Variants in ST6GALNAC3 observed in about 807,000 individuals in gnomAD.
The protein encoded by ST6GALNAC3 is ST6 N-acetylgalactosaminide alpha-2,6-sialyltransferase 3, also known as alpha-N-acetylgalactosaminide alpha-2,6-sialyltransferase 3.
A neutral mutation model predicts 32.7 loss-of-function variants in ST6GALNAC3; 25 were observed. The ratio of observed to expected loss-of-function variants is 0.76; its 90% CI spans 0.56 to 1.07. The LOEUF (loss-of-function observed/expected upper bound fraction) is 1.07, where lower values mean the gene tolerates loss of function less well. Among genes scored for constraint, ST6GALNAC3 ranks in the 50% least tolerant of loss-of-function variants. The pLI, the probability that ST6GALNAC3 is intolerant of heterozygous loss-of-function variation, is 0.00. For synonymous variants in ST6GALNAC3, 129 were observed against 133.1 expected, an observed-to-expected ratio of 0.97 and a Z score of 0.21; for missense variants, 355 against 382.4, an observed-to-expected ratio of 0.93 and a Z score of 0.60.
At chr1:76,287,963 A>C (rs1659876409) in intron 1 of ST6GALNAC3, among the ~76,000 whole-genome samples, 1 of 152,188 alleles carries the variant, frequency 6.6e-6, no homozygotes, top group Non-Finnish European at 1.5e-5. Flanking sequence ...TGAGCAGCAG[A>C]AGGGGTTTAG....
chr1:76,339,898 A>T (rs1000689540), intron 2 of ST6GALNAC3, among the ~76,000 whole-genome samples: 1 of 152,242 alleles, frequency 6.6e-6, no homozygotes, highest in Non-Finnish European at 1.5e-5. Flanking sequence ...AGGTTCTGTG[A>T]TAAGGTGACA....
At chr1:76,199,022 C>T (rs78630029) in intron 1 of ST6GALNAC3, among the ~76,000 whole-genome samples, 12,749 of 152,114 alleles carry the variant, frequency 0.084, 579 homozygotes, top group African/African-American at 0.12. Flanking sequence ...TAGGATGTGG[C>T]AGTGTCAGAC....
chr1:76,635,576 C>A (rs1649484696), downstream of ST6GALNAC3, among the ~76,000 whole-genome samples: 1 of 152,142 alleles, frequency 6.6e-6, no homozygotes, highest in African/African-American at 2.4e-5. Context: ...AGAGTCCATA[C>A]CTATCTGGGG....
chr1:76,157,413 T>C (rs1229067494), intron 1 of ST6GALNAC3, among the ~76,000 whole-genome samples: 1 of 152,220 alleles, frequency 6.6e-6, no homozygotes, highest in Non-Finnish European at 1.5e-5. Flanking sequence ...AGTATACATA[T>C]GTAGCAGTAT....
chr1:76,107,700 C>T (rs1647633676), intron 1 of ST6GALNAC3, among the ~76,000 whole-genome samples: 1 of 152,132 alleles, frequency 6.6e-6, no homozygotes. Flanking sequence ...TGTTCAAATA[C>T]AGCCCTGCGG....
At chr1:76,605,931 C>CT (rs1158278221) in intron 3 of ST6GALNAC3, among the ~76,000 whole-genome samples, 1 of 130,098 alleles carries the variant, frequency 7.7e-6, no homozygotes, top group Non-Finnish European at 1.6e-5. Context: ...CAAAAGAAGA[C>CT]TTTTATGTGG....
At chr1:76,174,719 T>A (rs1336443667) in intron 1 of ST6GALNAC3, among the ~76,000 whole-genome samples, 1 of 150,624 alleles carries the variant, frequency 6.6e-6, no homozygotes, top group Non-Finnish European at 1.5e-5. Flanking sequence ...CAGGCTGGAG[T>A]GCAGTGGTGC....
intron 3 of ST6GALNAC3, among the ~76,000 whole-genome samples, chr1:76,478,851 C>T (rs1433917319): frequency 6.7e-6 from 1 of 148,416 alleles, no homozygotes; most frequent in Non-Finnish European, 1.5e-5. Flanking sequence ...TAAGCTCTGC[C>T]TCCTGGGTTC....
intron 3 of ST6GALNAC3, among the ~76,000 whole-genome samples, chr1:76,454,346 G>A (rs1227746671): frequency 6.6e-6 from 1 of 151,870 alleles, no homozygotes; most frequent in Non-Finnish European, 1.5e-5. Context: ...AAAATTTGGT[G>A]TTTTTTAAAT....
At chr1:76,210,940 T>C (rs980871561) in intron 1 of ST6GALNAC3, among the ~76,000 whole-genome samples, 1 of 152,062 alleles carries the variant, frequency 6.6e-6, no homozygotes, top group East Asian at 1.9e-4. Context: ...AGAGACAGGA[T>C]CTCCAACTCC....
intron 1 of ST6GALNAC3, among the ~76,000 whole-genome samples, chr1:76,300,092 T>C (rs1237557351): frequency 6.6e-6 from 1 of 151,832 alleles, no homozygotes; most frequent in African/African-American, 2.4e-5. Flanking sequence ...GACAGAAAAA[T>C]ATGGAGGTGG....
intron 2 of ST6GALNAC3, among the ~76,000 whole-genome samples, chr1:76,407,305 T>C (rs1653903748): frequency 6.6e-6 from 1 of 152,118 alleles, no homozygotes; most frequent in African/African-American, 2.4e-5. Context: ...GAATAGGTAC[T>C]AAATAAAAAT....
At chr1:76,501,865 G>A (rs539185171) in intron 3 of ST6GALNAC3, among the ~76,000 whole-genome samples, 2 of 152,282 alleles carry the variant, frequency 1.3e-5, no homozygotes, top group East Asian at 3.9e-4. Flanking sequence ...CTGGATATAG[G>A]CAGTCACTGG....
intron 2 of ST6GALNAC3, among the ~76,000 whole-genome samples, chr1:76,369,409 A>G (rs1201914387): frequency 2.6e-5 from 4 of 152,208 alleles, no homozygotes; most frequent in African/African-American, 7.2e-5. Flanking sequence ...TGTGCCAGGT[A>G]TTCACCATCT....
chr1:76,622,592 A>G (rs1018660164), intron 3 of ST6GALNAC3, among the ~76,000 whole-genome samples: 7 of 151,934 alleles, frequency 4.6e-5, no homozygotes, highest in Non-Finnish European at 1.0e-4. Flanking sequence ...GGGGAATCTG[A>G]TAAAATGTAT....
At chr1:76,093,941 G>A (rs1330942413) in intron 1 of ST6GALNAC3, among the ~76,000 whole-genome samples, 1 of 152,180 alleles carries the variant, frequency 6.6e-6, no homozygotes, top group African/African-American at 2.4e-5. Context: ...GGTTTCTCCT[G>A]TGTGATGTAC....
chr1:76,228,528 C>T (rs1241042359), intron 1 of ST6GALNAC3, among the ~76,000 whole-genome samples: 1 of 152,176 alleles, frequency 6.6e-6, no homozygotes, highest in Admixed American at 6.6e-5. Context: ...CTGCTTTAAT[C>T]CACCACATTT....
chr1:76,619,185 A>T (rs1648481818), intron 3 of ST6GALNAC3, among the ~76,000 whole-genome samples: 1 of 152,162 alleles, frequency 6.6e-6, no homozygotes, highest in South Asian at 2.1e-4. Flanking sequence ...TTTAGAGGTC[A>T]TTTATTTCAG....
intron 1 of ST6GALNAC3, among the ~76,000 whole-genome samples, chr1:76,136,082 A>G (rs371160871): frequency 1.6e-3 from 237 of 152,296 alleles, no homozygotes; most frequent in African/African-American, 5.5e-3. Context: ...CACCTCTAAC[A>G]GGCTCACAGC....
Sources: gnomAD v4.1 joint callset for allele counts (sites outside exome capture counted in the v4.1 genomes callset) on GRCh38, gnomAD v4.1.1 for gene constraint, MANE v1.5 for transcripts, NCBI Gene and HGNC (gene_info 2026-07-23, HGNC 2026-07-21) for gene names.